STAG1: variants seen among roughly 807,000 people sequenced by gnomAD.
STAG1 encodes the protein cohesin subunit SA-1.
Under a neutral mutation model 170.9 loss-of-function variants are expected in STAG1, and 26 were observed. The ratio of observed to expected loss-of-function variants is 0.15; its 90% CI spans 0.11 to 0.21. The LOEUF (loss-of-function observed/expected upper bound fraction) is 0.21, where lower values mean the gene tolerates loss of function less well. STAG1 is among the 10% of genes least tolerant of loss of function. The probability of loss-of-function intolerance (pLI) is 1.00; values close to 1 mark genes in which losing one functional copy is unlikely to be tolerated. For synonymous variants in STAG1, 514 were observed against 497.7 expected, an observed-to-expected ratio of 1.03 and a Z score of -0.44; for missense variants, 964 against 1,509.5, an observed-to-expected ratio of 0.64 and a Z score of 5.99.
chr3:136,663,142 CA>C (rs1226850168), intron 1 of STAG1, among the ~76,000 whole-genome samples: 1 of 151,652 alleles, frequency 6.6e-6, no homozygotes, highest in Non-Finnish European at 1.5e-5. Flanking sequence ...ACAGCCTATA[CA>C]AAAACTGTGT....
rs140588787 is a variant in STAG1, at chr3:136,398,815, T to C, written c.2211A>G (p.Ala737=). The C allele has an allele frequency of 6.4e-5, 101 of 1,583,588 alleles. No individual in the cohort carries two copies. The highest frequency in any genetic ancestry group is 7.8e-5 in the Non-Finnish European group (91 of 1,164,694). The change falls in exon 22 of 34, where the codon GCA becomes GCG. Residue 737 remains alanine, a synonymous_variant. Transcript: ENST00000383202. ...GAATCGAATAATGGGAACACTGCAG[T>C]GCTTGCACGACTATCTGTATCAAAT... ...GAMPEQIVVQ[A]LQCSHYSILW...
At chr3:136,571,282 CTT>C (rs769619964) in intron 4 of STAG1, among the ~76,000 whole-genome samples, 9 of 152,176 alleles carry the variant, frequency 5.9e-5, no homozygotes, top group Non-Finnish European at 7.3e-5. Flanking sequence ...AATATTAACA[CTT>C]TGGTCTGAGC....
intron 1 of STAG1, among the ~76,000 whole-genome samples, chr3:136,719,142 A>G (rs1401973914): frequency 6.6e-6 from 1 of 152,202 alleles, no homozygotes; most frequent in Non-Finnish European, 1.5e-5. Context: ...TTTGAAACTC[A>G]AATGTCCATG....
intron 20 of STAG1, among the ~76,000 whole-genome samples, chr3:136,418,693 G>T (rs2087855359): frequency 6.6e-6 from 1 of 151,670 alleles, no homozygotes; most frequent in South Asian, 2.1e-4. Context: ...CCAGGCTGAA[G>T]TGAAGTGGCA....
intron 5 of STAG1, among the ~76,000 whole-genome samples, chr3:136,553,109 T>C (rs77513004): frequency 0.021 from 3,241 of 152,250 alleles, 58 homozygotes; most frequent in Non-Finnish European, 0.029. Flanking sequence ...AATACAAGTT[T>C]GAATATCCAC....
intron 6 of STAG1, among the ~76,000 whole-genome samples, chr3:136,535,000 T>C (rs1935551621): frequency 6.6e-6 from 1 of 152,224 alleles, no homozygotes; most frequent in Non-Finnish European, 1.5e-5. Context: ...TCAATCTAAG[T>C]GTCCATCAAT....
intron 14 of STAG1, among the ~76,000 whole-genome samples, chr3:136,443,907 G>A (rs2088702658): frequency 6.6e-6 from 1 of 151,954 alleles, no homozygotes; most frequent in African/African-American, 2.4e-5. Flanking sequence ...CATTTCCACT[G>A]GACTCATTTC....
In STAG1 at chr3:136,377,777, A is replaced by C. The variant is rs368351878; in HGVS notation, c.2278-25T>G. 8 of 1,587,810 alleles carry C rather than the reference A, an allele frequency of 5.0e-6. No homozygotes were observed. The African/African-American group carries it at 1.1e-4, about 21-fold the overall frequency. ...CCTGTAAGACACATTCAAATTTGCA[A>C]GCGTGAATTACAGGATCACAGAAAA... On this transcript the variant is annotated intron_variant, in intron 22 of 33. Transcript: ENST00000383202.
At chr3:136,670,047 C>G (rs778459615) in intron 1 of STAG1, among the ~76,000 whole-genome samples, 1 of 152,226 alleles carries the variant, frequency 6.6e-6, no homozygotes, top group Non-Finnish European at 1.5e-5. Flanking sequence ...GTGGCTCACA[C>G]CTGTAATCCC....
chr3:136,740,130 A>G (rs1200497501), intron 1 of STAG1, among the ~76,000 whole-genome samples: 2 of 152,170 alleles, frequency 1.3e-5, no homozygotes, highest in African/African-American at 4.8e-5. Flanking sequence ...AGGCACCTGT[A>G]ATCTCAGCTA....
intron 1 of STAG1, among the ~76,000 whole-genome samples, chr3:136,717,834 T>C (rs575916252): frequency 3.9e-5 from 6 of 152,222 alleles, no homozygotes; most frequent in African/African-American, 4.8e-5. Flanking sequence ...ATGCAAATGA[T>C]AGAAATAATT....
At chr3:136,531,112 C>T (rs1228888569) in intron 6 of STAG1, among the ~76,000 whole-genome samples, 3 of 152,032 alleles carry the variant, frequency 2.0e-5, no homozygotes, top group Non-Finnish European at 4.4e-5. Context: ...CTTGAACAGA[C>T]ACTTCTCAAA....
intron 14 of STAG1, among the ~76,000 whole-genome samples, chr3:136,447,283 C>A (rs1244273422): frequency 1.3e-5 from 2 of 151,652 alleles, no homozygotes; most frequent in Non-Finnish European, 2.9e-5. Flanking sequence ...GACCATCTGG[C>A]CAACATGGTG....
Position 136,678,830 on chromosome 3 carries a change from T to C in STAG1, c.-83-47849A>G, listed in dbSNP as rs1428020207. On this transcript the variant is annotated intron_variant, in intron 1 of 33. Coordinates refer to ENST00000383202, the MANE Select transcript of STAG1 (RefSeq NM_005862.3). ...GAGTTTGAGACCAGCATGGACAACA[T>C]AGCAAGACCCCCATGCTCACAAAAA... is the stretch of plus-strand genomic sequence containing the variant. Among the ~76,000 whole-genome samples the C allele has an allele frequency of 3.0e-4, 26 of 87,100 alleles. No homozygotes were observed. In the East Asian group the frequency reaches 6.4e-3, roughly 22 times the overall value. 57.1% of individuals were successfully genotyped at this position (87,100 alleles called of 152,430 possible). A position where few individuals can be genotyped will look rare whatever the true frequency, so the allele number is the denominator to read the frequency against.
intron 23 of STAG1, among the ~76,000 whole-genome samples, chr3:136,370,081 CTATACTATACT>C: frequency 9.2e-6 from 1 of 108,696 alleles, no homozygotes; most frequent in Admixed American, 8.4e-5. Flanking sequence ...CTATACTATA[CTATACTATACT>C]ATACTAATTT....
In STAG1 at chr3:136,381,675, T is replaced by C. The variant is rs1576411046; in HGVS notation, c.2278-3923A>G. ...CTTTTAAGGTTGATGGATTTTTTTT[T>C]GGTCATTCTTGACCTTTTTAATAGA... On this transcript the variant is annotated intron_variant, in intron 22 of 33. Transcript: ENST00000383202. Among the ~76,000 whole-genome samples, 4 of 152,236 alleles carry C rather than the reference T, an allele frequency of 2.6e-5. No homozygotes were observed. The South Asian group carries it at 8.3e-4, about 31-fold the overall frequency.
intron 13 of STAG1, among the ~76,000 whole-genome samples, chr3:136,455,276 C>A (rs772403144): frequency 2.6e-5 from 4 of 152,122 alleles, no homozygotes; most frequent in Non-Finnish European, 5.9e-5. Context: ...CCTGAATATG[C>A]TAGAACTCTG....
intron 21 of STAG1, 56 bp from the exon 22 acceptor site, chr3:136,398,885 CTGTT>C (rs2087242470): frequency 3.2e-5 from 34 of 1,047,454 alleles, no homozygotes; most frequent in Non-Finnish European, 4.3e-5. Flanking sequence ...ATGAGATCAT[CTGTT>C]TGCACCGTGC....
chr3:136,580,191 T>C (rs908118050), intron 4 of STAG1, among the ~76,000 whole-genome samples: 5 of 151,964 alleles, frequency 3.3e-5, no homozygotes, highest in African/African-American at 9.7e-5. Flanking sequence ...ATGGTCTTGA[T>C]CTCTTGACCT....
Sources: allele counts gnomAD v4.1 joint callset (sites outside exome capture counted in the v4.1 genomes callset), GRCh38; gene constraint gnomAD v4.1.1; transcripts MANE v1.5; gene names NCBI Gene and HGNC (gene_info 2026-07-23, HGNC 2026-07-21).